Variants in OTOGL observed in about 807,000 individuals in gnomAD.
OTOGL encodes otogelin like.
In OTOGL, 285 loss-of-function variants were observed where a neutral mutation model predicts 318.5. The ratio of observed to expected loss-of-function variants is 0.89; its 90% CI spans 0.81 to 0.99. OTOGL has a LOEUF of 0.99. Ranked by LOEUF, OTOGL falls within the 50% of genes least tolerant of loss-of-function variation. The pLI is 0.00. For synonymous variants in OTOGL, 987 were observed against 936.5 expected (o/e 1.05, Z -0.99); for missense variants, 2,899 against 2,845.6 (o/e 1.02, Z -0.43).
intron 19 of OTOGL, among the ~76,000 whole-genome samples, chr12:80,264,233 A>G (rs1305477607): frequency 6.6e-6 from 1 of 151,692 alleles, no homozygotes; most frequent in Non-Finnish European, 1.5e-5. Context: ...TGGAATCTGA[A>G]TTGTTTTGTC....
chr12:80,359,420 T>C (rs866733493), intron 52 of OTOGL, among the ~76,000 whole-genome samples: 1 of 152,174 alleles, frequency 6.6e-6, no homozygotes, highest in African/African-American at 2.4e-5. Context: ...ACTTTACAAG[T>C]CTTTGTTTTC....
intron 26 of OTOGL, among the ~76,000 whole-genome samples, chr12:80,289,820 A>G (rs1385513427): frequency 6.6e-6 from 1 of 152,146 alleles, no homozygotes; most frequent in Non-Finnish European, 1.5e-5. Context: ...AGTGGTTCTT[A>G]GCTTGCTGGG....
chr12:80,194,364 C>T (rs147387002), intron 1 of OTOGL, among the ~76,000 whole-genome samples: 64 of 152,222 alleles, frequency 4.2e-4, no homozygotes, highest in African/African-American at 1.4e-3. Flanking sequence ...TAGTTTCTTC[C>T]GATACTTGCA....
intron 37 of OTOGL, 60 bp from the exon 38 acceptor site, chr12:80,332,945 T>C (rs1291182640): frequency 7.4e-7 from 1 of 1,355,242 alleles, no homozygotes; most frequent in Admixed American, 2.0e-5. Flanking sequence ...CTGTCACATA[T>C]CAATTCCATG....
intron 16 of OTOGL, among the ~76,000 whole-genome samples, chr12:80,255,878 A>G (rs1394940700): frequency 6.6e-6 from 1 of 151,588 alleles, no homozygotes; most frequent in African/African-American, 2.4e-5. Flanking sequence ...TATTTTTTCT[A>G]TGTAATATAT....
intron 1 of OTOGL, among the ~76,000 whole-genome samples, chr12:80,189,957 T>C (rs1875557013): frequency 6.6e-6 from 1 of 152,202 alleles, no homozygotes; most frequent in African/African-American, 2.4e-5. Context: ...ACCTCCATGG[T>C]AGCTTGGGTG....
intron 24 of OTOGL, among the ~76,000 whole-genome samples, chr12:80,275,060 C>T (rs1269912442): frequency 6.6e-6 from 1 of 151,870 alleles, no homozygotes; most frequent in African/African-American, 2.4e-5. Context: ...ATTTTGCAGC[C>T]ATTGATCAAG....
intron 28 of OTOGL, among the ~76,000 whole-genome samples, chr12:80,305,363 A>G (rs1654207609): frequency 6.6e-6 from 1 of 152,208 alleles, no homozygotes; most frequent in Admixed American, 6.5e-5. Flanking sequence ...AGGACTTGAA[A>G]TCAGGTAAAA....
At chr12:80,227,699 C>T (rs1486099489) in intron 7 of OTOGL, among the ~76,000 whole-genome samples, 3 of 152,118 alleles carry the variant, frequency 2.0e-5, no homozygotes, top group Non-Finnish European at 2.9e-5. Context: ...ATTCATGGAT[C>T]CTGAGAACAT....
At chr12:80,147,914 C>G (rs1872513952) in intron 1 of OTOGL, among the ~76,000 whole-genome samples, 1 of 152,018 alleles carries the variant, frequency 6.6e-6, no homozygotes, top group Non-Finnish European at 1.5e-5. Flanking sequence ...CTTGGTAGAT[C>G]TTCCTCCATC....
At chr12:80,327,951 T>G (rs573954257) in intron 35 of OTOGL, among the ~76,000 whole-genome samples, 56 of 76,980 alleles carry the variant, frequency 7.3e-4, no homozygotes, top group Admixed American at 1.9e-3. Flanking sequence ...AGAGCGAGAC[T>G]CTGTCTCAAA....
chr12:80,158,524 G>A (rs1225614084), intron 1 of OTOGL, among the ~76,000 whole-genome samples: 1 of 151,892 alleles, frequency 6.6e-6, no homozygotes, highest in Non-Finnish European at 1.5e-5. Context: ...GGCATTCTGA[G>A]TATAAATAAA....
intron 1 of OTOGL, among the ~76,000 whole-genome samples, chr12:80,194,079 G>A (rs1294754746): frequency 3.9e-5 from 6 of 152,274 alleles, no homozygotes; most frequent in Non-Finnish European, 7.4e-5. Context: ...TCCTCCAAGT[G>A]TATGGAATCT....
At chr12:80,114,479 T>TCCG in intron 1 of OTOGL, among the ~76,000 whole-genome samples, 1 of 152,290 alleles carries the variant, frequency 6.6e-6, no homozygotes, top group South Asian at 2.1e-4. Context: ...TGCCAAGAGA[T>TCCG]CTGCATTAGT....
intron 11 of OTOGL, among the ~76,000 whole-genome samples, chr12:80,241,831 T>G (rs1263774234): frequency 6.6e-6 from 1 of 152,186 alleles, no homozygotes. Context: ...AGTTTTCCAG[T>G]GACTGAATGA....
intron 1 of OTOGL, among the ~76,000 whole-genome samples, chr12:80,149,713 C>T (rs1872651088): frequency 6.6e-6 from 1 of 152,226 alleles, no homozygotes; most frequent in Non-Finnish European, 1.5e-5. Flanking sequence ...TGCTAGCAAT[C>T]ATCGAGACTC....
chr12:80,366,627 G>A lies in OTOGL; in HGVS notation c.6321G>A (p.Gln2107=). The A allele has an allele frequency of 1.4e-6, 2 of 1,401,862 alleles. No individual in the cohort carries two copies. Among genetic ancestry groups the A allele is most frequent in the Non-Finnish European group, 1.9e-6 (2 of 1,067,978 alleles). 86.8% of individuals were successfully genotyped at this position (1,401,862 alleles called of 1,614,324 possible). ...TCCAGAGTGATTGTGGATGCATACA[G>A]TATCTCTGTGGTAACTATGTCTTTT... The part of the protein sequence containing the change: ...HNFQSDCGCI[Q]YLCEKDDVCV... The change falls in exon 53 of 59, where the codon CAG becomes CAA. Residue 2107 remains glutamine, a synonymous_variant. Coordinates refer to ENST00000547103, the MANE Select transcript of OTOGL (RefSeq NM_001378609.3).
chr12:80,205,071 T>C (rs553552761), intron 1 of OTOGL, among the ~76,000 whole-genome samples: 3 of 152,232 alleles, frequency 2.0e-5, no homozygotes, highest in South Asian at 2.1e-4. Flanking sequence ...CACTAAAAAA[T>C]TGAAATAACA....
rs1891377092 is a variant in OTOGL, at chr12:80,380,080, G to A, written c.*2032G>A. 2.6e-5 allele frequency: 4 copies of A among 151,974 alleles called. 1 individual carries two copies. Among genetic ancestry groups the A allele is most frequent in the South Asian group, 4.1e-4 (2 of 4,826 alleles). 9.4% of individuals were successfully genotyped at this position (151,974 alleles called of 1,614,324 possible). Reference sequence around the variant, plus strand: ...GGTGTTGGGACAACTGAATGGTTACGTAGATAAAGAAAAATTTGAATTCAT... The same window carrying A: ...GGTGTTGGGACAACTGAATGGTTACATAGATAAAGAAAAATTTGAATTCAT... On this transcript the variant is annotated 3_prime_UTR_variant, in exon 59 of 59. Coordinates refer to ENST00000547103, the MANE Select transcript of OTOGL (RefSeq NM_001378609.3).
Sources: allele counts gnomAD v4.1 joint callset (sites outside exome capture counted in the v4.1 genomes callset), GRCh38; gene constraint gnomAD v4.1.1; transcripts MANE v1.5; gene names NCBI Gene and HGNC (gene_info 2026-07-23, HGNC 2026-07-21).